The following PABIR3 variants were observed in gnomAD, a reference collection of about 807,000 sequenced individuals.
PABIR3 encodes PABIR family member 3.
In PABIR3, 20 loss-of-function variants were observed where a neutral mutation model predicts 23.1. The observed-to-expected ratio is 0.86, with a 90% confidence interval of 0.61 to 1.26. PABIR3 has a LOEUF of 1.26. Among genes scored for constraint, PABIR3 ranks in the 50% most tolerant of loss-of-function variants. The pLI, the probability that PABIR3 is intolerant of heterozygous loss-of-function variation, is 0.00. For missense variants in PABIR3, 189 were observed against 195.4 expected (o/e 0.97, Z 0.20); for synonymous variants, 69 against 68.5 (o/e 1.01, Z -0.04).
At chrX:134,809,592 C>T (rs1311417035) in intron 2 of PABIR3, 1 of 751,812 alleles carries the variant, frequency 1.3e-6, no homozygotes, top group African/African-American at 2.3e-5. Flanking sequence ...ACTAACTTTG[C>T]TCTTCACCTT....
In PABIR3 at chrX:134,854,390, T is replaced by G; in HGVS notation, c.*173T>G. On this transcript the variant is annotated 3_prime_UTR_variant, in exon 11 of 11. Coordinates refer to ENST00000645433, the MANE Select transcript of PABIR3 (RefSeq NM_001388447.1). ...CTAAAATTCTATTTATCTACAGAAC[T>G]TGCGTGTATAATTCTTGTGTACATC... The G allele has an allele frequency of 2.1e-6, 1 of 468,069 alleles. No individual in the cohort carries two copies. Among genetic ancestry groups the G allele is most frequent in the Non-Finnish European group, 3.2e-6 (1 of 312,400 alleles). 38.6% of individuals were successfully genotyped at this position (468,069 alleles called of 1,213,427 possible).
chrX:134,849,813 C>T (rs1175568223), intron 9 of PABIR3, among the ~76,000 whole-genome samples: 1 of 106,382 alleles, frequency 9.4e-6, no homozygotes, highest in Non-Finnish European at 1.9e-5. Context: ...TTTAAAAACT[C>T]CTGCAATCCT....
At chrX:134,809,267 G>C (rs902412332) in intron 2 of PABIR3, 4 of 119,305 alleles carry the variant, frequency 3.4e-5, no homozygotes, top group African/African-American at 1.3e-4. Context: ...CCGGGTTCAA[G>C]CGATTCTCCT....
At chrX:134,855,994 TG>T (rs2082747843), downstream of PABIR3, among the ~76,000 whole-genome samples, 1 of 111,450 alleles carries the variant, frequency 9.0e-6, no homozygotes, top group South Asian at 3.7e-4. Context: ...AAGGTTCACA[TG>T]TACTATTGAC....
At chrX:134,803,574 A>G (rs186270002), upstream of PABIR3, among the ~76,000 whole-genome samples, 34 of 112,241 alleles carry the variant, frequency 3.0e-4, no homozygotes, top group African/African-American at 1.1e-3. Flanking sequence ...CTGCAGTATG[A>G]GGGATTTGTA....
At chrX:134,822,701 T>G in intron 3 of PABIR3, 7 of 694,900 alleles carry the variant, frequency 1.0e-5, no homozygotes, top group Non-Finnish European at 1.2e-5. Context: ...GTTTTCTCAC[T>G]TATAAGTCGG....
At chrX:134,838,471 G>A (rs1182176795) in intron 4 of PABIR3, among the ~76,000 whole-genome samples, 2 of 108,399 alleles carry the variant, frequency 1.8e-5, no homozygotes, top group African/African-American at 3.4e-5. Flanking sequence ...CTGCCACCAC[G>A]CCCAGCTAAT....
intron 3 of PABIR3, among the ~76,000 whole-genome samples, chrX:134,815,696 T>A (rs1296171802): frequency 9.1e-6 from 1 of 110,132 alleles, no homozygotes; most frequent in Non-Finnish European, 1.9e-5. Flanking sequence ...TTTCTTTTTT[T>A]TGAGACAGAG....
intron 3 of PABIR3, among the ~76,000 whole-genome samples, chrX:134,818,139 G>A (rs1014626473): frequency 1.8e-5 from 2 of 111,646 alleles, no homozygotes; most frequent in African/African-American, 6.5e-5. Context: ...AAGAAGAGTA[G>A]ATTTACAAAG....
At chrX:134,855,682 A>G (rs756449800), downstream of PABIR3, among the ~76,000 whole-genome samples, 12 of 111,208 alleles carry the variant, frequency 1.1e-4, no homozygotes, top group East Asian at 2.8e-3. Flanking sequence ...GCCACTAACA[A>G]TTTTTTGACA....
At chrX:134,850,623 A>G (rs73570710) in intron 9 of PABIR3, among the ~76,000 whole-genome samples, 1,647 of 112,460 alleles carry the variant, frequency 0.015, 32 homozygotes, top group African/African-American at 0.052. Context: ...GTTTTACCAG[A>G]TTAAAATAGT....
intron 3 of PABIR3, among the ~76,000 whole-genome samples, chrX:134,818,228 T>G (rs763411028): frequency 2.7e-5 from 3 of 111,880 alleles, no homozygotes; most frequent in Non-Finnish European, 5.6e-5. Context: ...ATGTACTAGT[T>G]TGAAGCTCAG....
chrX:134,810,893 T>G, intron 2 of PABIR3: 1 of 754,049 alleles, frequency 1.3e-6, no homozygotes, highest in Non-Finnish European at 1.6e-6. Flanking sequence ...ATAGGAATGA[T>G]GTGTGACATG....
intron 1 of PABIR3, among the ~76,000 whole-genome samples, chrX:134,797,415 G>A (rs1053851547): frequency 8.9e-6 from 1 of 112,656 alleles, no homozygotes; most frequent in Non-Finnish European, 1.9e-5. Flanking sequence ...GAGGAGTTTG[G>A]GCCAATATTC....
intron 4 of PABIR3, among the ~76,000 whole-genome samples, chrX:134,841,707 T>C (rs1273322570): frequency 9.1e-6 from 1 of 110,121 alleles, no homozygotes; most frequent in African/African-American, 3.3e-5. Context: ...CATGCACCTG[T>C]AATTCCAGCT....
chrX:134,836,902 AAATCAATAAG>A (rs1249809023), intron 4 of PABIR3, among the ~76,000 whole-genome samples: 1 of 111,359 alleles, frequency 9.0e-6, no homozygotes, highest in Non-Finnish European at 1.9e-5. Flanking sequence ...TCTTAAGTAA[AAATCAATAAG>A]AAGAAATTGA....
intron 3 of PABIR3, among the ~76,000 whole-genome samples, chrX:134,817,476 G>T (rs1423697230): frequency 9.7e-6 from 1 of 103,568 alleles, no homozygotes; most frequent in Non-Finnish European, 2.0e-5. Flanking sequence ...TGATCTAGTT[G>T]CCAGGGTTGA....
In PABIR3 at chrX:134,843,918, C is replaced by CTTT. The variant is rs1196514400; in HGVS notation, c.247-1267_247-1265dup. 5.5e-3 allele frequency among the ~76,000 whole-genome samples: 363 copies of CTTT among 65,950 alleles called. 3 individuals are homozygous for CTTT. The highest frequency in any genetic ancestry group is 0.013 in the African/African-American group (187 of 14,743). The allele number at this position is 65,950 out of a possible 115,157, so 57.3% of individuals were successfully genotyped here. On this transcript the variant is annotated intron_variant, in intron 4 of 10. Transcript: ENST00000645433. ...TCTGTTCCATTGCTATATGCATGTT[C>CTTT]TTTTTTTTTTTTTTTTTTTTTTGAG...
downstream of PABIR3, among the ~76,000 whole-genome samples, chrX:134,859,173 T>C (rs866485602): frequency 2.6e-4 from 29 of 111,287 alleles, no homozygotes; most frequent in Admixed American, 1.9e-4. Flanking sequence ...AGGAATCCAA[T>C]ATGTAAAACA....
Sources: gnomAD v4.1 joint callset for allele counts (sites outside exome capture counted in the v4.1 genomes callset) on GRCh38, gnomAD v4.1.1 for gene constraint, MANE v1.5 for transcripts, NCBI Gene and HGNC (gene_info 2026-07-23, HGNC 2026-07-21) for gene names.